Variants in SPEF2 observed in about 807,000 individuals in gnomAD.
SPEF2 encodes sperm flagellar and cilia associated 2.
In SPEF2, 187 loss-of-function variants were observed where a neutral mutation model predicts 224.6. The ratio of observed to expected loss-of-function variants is 0.83; its 90% CI spans 0.74 to 0.94. The LOEUF is 0.94. Ranked by LOEUF, SPEF2 falls within the 40% of genes least tolerant of loss-of-function variation. The pLI is 0.00. For synonymous variants in SPEF2, 715 were observed against 707.3 expected (o/e 1.01, Z -0.17); for missense variants, 2,170 against 2,135.6 (o/e 1.02, Z -0.32).
intron 5 of SPEF2, among the ~76,000 whole-genome samples, chr5:35,648,506 T>A (rs1747730107): frequency 6.6e-6 from 1 of 151,984 alleles, no homozygotes; most frequent in South Asian, 2.1e-4. Flanking sequence ...TGCTTCAGCC[T>A]CCTGAGTAAC....
chr5:35,702,210 A>C (rs1281024001), intron 16 of SPEF2: 2 of 456,236 alleles, frequency 4.4e-6, no homozygotes, highest in Admixed American at 2.3e-5. Context: ...TGCAACATGC[A>C]GTTCTGCAGT....
rs1349764993 is a variant in SPEF2, at chr5:35,697,753, C to G, written c.2101C>G (p.Pro701Ala). 6.8e-6 allele frequency: 11 copies of G among 1,613,272 alleles called. No individual in the cohort carries two copies. Among genetic ancestry groups the G allele is most frequent in the Non-Finnish European group, 9.3e-6 (11 of 1,179,652 alleles). ...EQLLKKGKSI[P>A]DVLLVDIIVN... ...GTTGCTGAAGAAAGGAAAGAGCATT[C>G]CTGATGTGCTGCTTGTTGACATCAT... is the stretch of plus-strand genomic sequence containing the variant. The change falls in exon 15 of 37, where the codon CCT becomes GCT. Residue 701 changes from proline to alanine, a missense_variant. Transcript: ENST00000356031.
intron 20 of SPEF2, among the ~76,000 whole-genome samples, chr5:35,727,173 C>A (rs534562682): frequency 1.3e-5 from 2 of 152,264 alleles, no homozygotes; most frequent in Admixed American, 6.5e-5. Flanking sequence ...TCAGGGGCTT[C>A]AACAGCCCCT....
chr5:35,801,778 C>T (rs1383921935), intron 34 of SPEF2, among the ~76,000 whole-genome samples: 1 of 152,142 alleles, frequency 6.6e-6, no homozygotes, highest in Non-Finnish European at 1.5e-5. Flanking sequence ...ATACTCCTCA[C>T]CTGGCAATGA....
At position 35,712,859 on chromosome 5, in the gene SPEF2, A is replaced by G; in HGVS notation, c.2887A>G (p.Lys963Glu). ...ATCTCTTCAGGAAGGAAAAGGGAAG[A>G]AAGGTGAGACCGCACTCAAAAGAAA... ...QESLQEGKGK[K>E]GETALKRKGS... Residue 963 changes from lysine to glutamate, a missense_variant, in exon 20 of 37, where the codon AAA (lysine) becomes GAA (glutamate). Physicochemically the swap from Lys to Glu is moderately conservative, Grantham distance 56. Transcript: ENST00000356031. The G allele has an allele frequency of 6.2e-7, 1 of 1,613,860 alleles. No homozygotes were observed. The highest frequency in any genetic ancestry group is 8.5e-7 in the Non-Finnish European group (1 of 1,179,934).
intron 5 of SPEF2, 47 bp from the exon 6 acceptor site, chr5:35,649,314 T>C: frequency 6.7e-7 from 1 of 1,483,070 alleles, no homozygotes; most frequent in Non-Finnish European, 9.3e-7. Flanking sequence ...TGAAGATTTT[T>C]CAATGGTTTT....
intron 23 of SPEF2, among the ~76,000 whole-genome samples, chr5:35,745,710 C>T (rs963821112): frequency 6.6e-6 from 1 of 152,198 alleles, no homozygotes; most frequent in Non-Finnish European, 1.5e-5. Flanking sequence ...CTTAGCTCTG[C>T]CACACCTGAT....
chr5:35,643,913 T>C (rs1241651936), intron 3 of SPEF2, among the ~76,000 whole-genome samples: 1 of 152,130 alleles, frequency 6.6e-6, no homozygotes, highest in Non-Finnish European at 1.5e-5. Context: ...GTGGTAAAGC[T>C]GAAACACAAA....
intron 10 of SPEF2, among the ~76,000 whole-genome samples, chr5:35,686,786 T>C (rs1046218342): frequency 2.6e-5 from 4 of 152,110 alleles, no homozygotes; most frequent in Non-Finnish European, 5.9e-5. Flanking sequence ...TTTATAGCCT[T>C]TCCACCATTT....
At chr5:35,715,536 G>A (rs988215056) in intron 20 of SPEF2, among the ~76,000 whole-genome samples, 1 of 151,976 alleles carries the variant, frequency 6.6e-6, no homozygotes, top group African/African-American at 2.4e-5. Context: ...ATTTCGTTCA[G>A]AATCAAGGGA....
chr5:35,624,812 T>C (rs1325710239), intron 1 of SPEF2, among the ~76,000 whole-genome samples: 1 of 152,080 alleles, frequency 6.6e-6, no homozygotes, highest in Non-Finnish European at 1.5e-5. Flanking sequence ...ACTTTTTGTA[T>C]TTTTAGTAGA....
At chr5:35,786,623 G>A (rs1325351735) in intron 30 of SPEF2, among the ~76,000 whole-genome samples, 1 of 152,120 alleles carries the variant, frequency 6.6e-6, no homozygotes, top group Non-Finnish European at 1.5e-5. Flanking sequence ...TCGTGCCACT[G>A]GACTCCAGCC....
chr5:35,793,955 T>C (rs1439353465), intron 32 of SPEF2, among the ~76,000 whole-genome samples: 1 of 152,188 alleles, frequency 6.6e-6, no homozygotes, highest in Non-Finnish European at 1.5e-5. Flanking sequence ...ATGTATGAGA[T>C]CACTCAAGGA....
At chr5:35,661,301 A>G (rs1207390544) in intron 8 of SPEF2, among the ~76,000 whole-genome samples, 1 of 121,750 alleles carries the variant, frequency 8.2e-6, no homozygotes, top group Non-Finnish European at 1.7e-5. Context: ...TATATATATT[A>G]TACACACATA....
At chr5:35,711,316 A>T (rs958087292) in intron 19 of SPEF2, among the ~76,000 whole-genome samples, 7 of 150,116 alleles carry the variant, frequency 4.7e-5, no homozygotes, top group East Asian at 2.0e-4. Flanking sequence ...AAATTTTGTT[A>T]AAAAATTGTT....
intron 36 of SPEF2, among the ~76,000 whole-genome samples, chr5:35,811,434 AT>A (rs1758524035): frequency 6.6e-6 from 1 of 152,214 alleles, no homozygotes; most frequent in African/African-American, 2.4e-5. Context: ...TTTGAAAAAA[AT>A]AAGTATGCAT....
At position 35,793,345 on chromosome 5, in the gene SPEF2, G is replaced by A. The variant is rs149010594; in HGVS notation, c.4737+4G>A. ...CACTTTTGAGCAGTATATGCAGGTT[G>A]TTACCAGCACCTGATGGCATTGATA... On this transcript the variant is annotated splice_donor_region_variant and intron_variant, in intron 32 of 36. Transcript: ENST00000356031. The A allele has an allele frequency of 5.0e-6, 8 of 1,608,744 alleles. No homozygotes were observed. In the South Asian group the frequency reaches 6.7e-5, roughly 13 times the overall value.
chr5:35,663,835 T>C (rs1450317028), intron 8 of SPEF2, among the ~76,000 whole-genome samples: 2 of 152,126 alleles, frequency 1.3e-5, no homozygotes, highest in African/African-American at 4.8e-5. Context: ...ACTACAGTCA[T>C]CAGGTGCAAG....
At position 35,667,277 on chromosome 5, in the gene SPEF2, A is replaced by T. The variant is rs2149472176; in HGVS notation, c.1355+18A>T. 6.3e-7 allele frequency: 1 copy of T among 1,581,928 alleles called. No individual in the cohort carries two copies. Among genetic ancestry groups the T allele is most frequent in the Non-Finnish European group, 8.6e-7 (1 of 1,158,494 alleles). Reference sequence around the variant, plus strand: ...ACAAATAAGTAAGTATTTTTTTTGTAATAACAGTAGAGACACGATAGAGAA... The same window carrying T: ...ACAAATAAGTAAGTATTTTTTTTGTTATAACAGTAGAGACACGATAGAGAA... On this transcript the variant is annotated intron_variant, in intron 9 of 36. Coordinates refer to ENST00000356031, the MANE Select transcript of SPEF2 (RefSeq NM_024867.4).
Sources: allele counts gnomAD v4.1 joint callset (sites outside exome capture counted in the v4.1 genomes callset), GRCh38; gene constraint gnomAD v4.1.1; transcripts MANE v1.5; gene names NCBI Gene and HGNC (gene_info 2026-07-23, HGNC 2026-07-21).